Variants in FARS2 observed in about 807,000 individuals in gnomAD.
FARS2 encodes phenylalanyl-tRNA synthetase 2, mitochondrial.
A neutral mutation model predicts 46.4 loss-of-function variants in FARS2; 40 were observed. The observed-to-expected ratio is 0.86, with a 90% CI of 0.67 to 1.12. The LOEUF is 1.12. Among genes scored for constraint, FARS2 ranks in the 50% most tolerant of loss-of-function variants. The pLI is 0.00. For synonymous variants in FARS2, 234 were observed against 214.9 expected, an observed-to-expected ratio of 1.09 and a Z score of -0.78; for missense variants, 513 against 567.9, an observed-to-expected ratio of 0.90 and a Z score of 0.98.
At chr6:5,613,966 G>A (rs1026433431) in intron 6 of FARS2, among the ~76,000 whole-genome samples, 1 of 152,124 alleles carries the variant, frequency 6.6e-6, no homozygotes, top group Non-Finnish European at 1.5e-5. Flanking sequence ...AAGGAGCATC[G>A]CAGATAGCAC....
chr6:5,357,358 A>G lies in FARS2; in HGVS notation c.-21-11192A>G, dbSNP rs570025726. ...AAAAACATTCCTTTTAAGGATAGACATATTGTCCAAAACATTGTCTGAAGC... is the reference window on the plus strand; with the variant it reads ...AAAAACATTCCTTTTAAGGATAGACGTATTGTCCAAAACATTGTCTGAAGC... On this transcript the variant is annotated intron_variant, in intron 1 of 6. Coordinates refer to ENST00000274680, the MANE Select transcript of FARS2 (RefSeq NM_006567.5). Among the ~76,000 whole-genome samples the G allele has an allele frequency of 1.1e-4, 16 of 152,356 alleles. No homozygotes were observed. The South Asian group carries it at 2.9e-3, about 28-fold the overall frequency.
chr6:5,750,880 T>G (rs922757731), intron 6 of FARS2, among the ~76,000 whole-genome samples: 4 of 152,154 alleles, frequency 2.6e-5, no homozygotes, highest in Admixed American at 2.6e-4. Flanking sequence ...GGTCAACCCC[T>G]TCTTTTAGGA....
At chr6:5,270,550 T>G (rs991557435) in intron 1 of FARS2, among the ~76,000 whole-genome samples, 9 of 152,200 alleles carry the variant, frequency 5.9e-5, no homozygotes, top group African/African-American at 2.2e-4. Flanking sequence ...TTTGCTGAAA[T>G]TTTTCTGTTG....
At chr6:5,416,360 A>AGTT (rs955170309) in intron 3 of FARS2, among the ~76,000 whole-genome samples, 6 of 152,182 alleles carry the variant, frequency 3.9e-5, no homozygotes, top group African/African-American at 1.4e-4. Context: ...ATTGATATCC[A>AGTT]GTTGTTCCAG....
At chr6:5,410,069 A>G (rs1322563928) in intron 3 of FARS2, among the ~76,000 whole-genome samples, 1 of 152,108 alleles carries the variant, frequency 6.6e-6, no homozygotes, top group Non-Finnish European at 1.5e-5. Context: ...CTTCATGCTC[A>G]CACTGAATGT....
At chr6:5,490,532 A>G (rs1459864313) in intron 4 of FARS2, among the ~76,000 whole-genome samples, 1 of 152,236 alleles carries the variant, frequency 6.6e-6, no homozygotes, top group Non-Finnish European at 1.5e-5. Context: ...GATGGCCCCC[A>G]GTGATCGCTG....
At chr6:5,258,953 T>C (rs1289184067), upstream of FARS2, among the ~76,000 whole-genome samples, 2 of 152,230 alleles carry the variant, frequency 1.3e-5, no homozygotes, top group East Asian at 3.8e-4. Flanking sequence ...TTGAAAACGC[T>C]TGGGCCTCAT....
At chr6:5,276,730 G>C (rs562510184) in intron 1 of FARS2, among the ~76,000 whole-genome samples, 82 of 152,278 alleles carry the variant, frequency 5.4e-4, no homozygotes, top group African/African-American at 2.0e-3. Flanking sequence ...TGGGACTGTG[G>C]GTTGTTCTCT....
chr6:5,534,309 C>T (rs1372208585), intron 4 of FARS2, among the ~76,000 whole-genome samples: 3 of 152,098 alleles, frequency 2.0e-5, no homozygotes, highest in Non-Finnish European at 4.4e-5. Flanking sequence ...CCAGTTAAGC[C>T]ATTTTAAGTG....
chr6:5,340,131 G>A (rs1324885629), intron 1 of FARS2, among the ~76,000 whole-genome samples: 1 of 152,136 alleles, frequency 6.6e-6, no homozygotes, highest in East Asian at 1.9e-4. Context: ...ACTTATCACA[G>A]TGACCCAGAA....
chr6:5,601,230 G>A (rs1016967670), intron 5 of FARS2, among the ~76,000 whole-genome samples: 10 of 151,956 alleles, frequency 6.6e-5, no homozygotes, highest in African/African-American at 2.4e-4. Flanking sequence ...TTTTAAATGG[G>A]AGGCCTTGGG....
the FARS2 span, among the ~76,000 whole-genome samples, chr6:5,252,498 C>T: frequency 6.6e-6 from 1 of 152,202 alleles, no homozygotes; most frequent in Admixed American, 6.5e-5. Flanking sequence ...TTTTACTTTT[C>T]ACATGCCTTA....
At chr6:5,450,747 G>A (rs941817716) in intron 4 of FARS2, among the ~76,000 whole-genome samples, 8 of 152,252 alleles carry the variant, frequency 5.3e-5, no homozygotes, top group Admixed American at 1.3e-4. Context: ...AGGTTGAGGC[G>A]GGAGAAGCAC....
At chr6:5,641,111 A>G (rs911271218) in intron 6 of FARS2, among the ~76,000 whole-genome samples, 2 of 152,096 alleles carry the variant, frequency 1.3e-5, no homozygotes, top group African/African-American at 4.8e-5. Flanking sequence ...TTGTTCTGCA[A>G]CATTGTCTTT....
At chr6:5,673,806 G>A (rs989720914) in intron 6 of FARS2, among the ~76,000 whole-genome samples, 2 of 152,138 alleles carry the variant, frequency 1.3e-5, no homozygotes, top group Non-Finnish European at 2.9e-5. Flanking sequence ...GCACACCTTG[G>A]TATGTCTGGA....
At chr6:5,542,888 T>C (rs1770718676) in intron 4 of FARS2, among the ~76,000 whole-genome samples, 1 of 152,216 alleles carries the variant, frequency 6.6e-6, no homozygotes, top group South Asian at 2.1e-4. Context: ...ATTTGGGAGA[T>C]TTTTCAGATA....
chr6:5,560,108 G>A (rs551457287), intron 5 of FARS2, among the ~76,000 whole-genome samples: 18 of 152,186 alleles, frequency 1.2e-4, no homozygotes, highest in Middle Eastern at 3.4e-3. Context: ...TGAGGAGATC[G>A]AACTAAATGA....
chr6:5,727,106 G>A lies in FARS2; in HGVS notation c.1218-44185G>A, dbSNP rs879703946. ...CTCTGCAGTACCTACCTTCCTCACCGGGCTGTTACTGGTAGGAAAAGCGTG... is the reference window on the plus strand; with the variant it reads ...CTCTGCAGTACCTACCTTCCTCACCAGGCTGTTACTGGTAGGAAAAGCGTG... On this transcript the variant is annotated intron_variant, in intron 6 of 6. Transcript: ENST00000274680. The surrounding 1 kb of genome is among the most constrained non-coding windows in gnomAD (Gnocchi z 4.1). Among the ~76,000 whole-genome samples the A allele has an allele frequency of 2.6e-5, 4 of 152,184 alleles. No individual in the cohort carries two copies. The highest frequency in any genetic ancestry group is 6.5e-5 in the Admixed American group (1 of 15,284).
At chr6:5,520,293 G>A (rs1352433862) in intron 4 of FARS2, among the ~76,000 whole-genome samples, 1 of 152,164 alleles carries the variant, frequency 6.6e-6, no homozygotes, top group Admixed American at 6.5e-5. Context: ...ACCTGGTGAC[G>A]AGATAATCAC....
Sources: allele counts gnomAD v4.1 joint callset (sites outside exome capture counted in the v4.1 genomes callset), GRCh38; gene constraint gnomAD v4.1.1; non-coding constraint Gnocchi (gnomAD v3.1); transcripts MANE v1.5; gene names NCBI Gene and HGNC (gene_info 2026-07-23, HGNC 2026-07-21).